DNMT3A: variants seen among roughly 807,000 people sequenced by gnomAD.
The protein encoded by DNMT3A is DNA methyltransferase 3 alpha, also known as DNA (cytosine-5)-methyltransferase 3A.
DNMT3A carries 267 observed loss-of-function variants against 117.6 expected under a neutral mutation model. That is an observed-to-expected ratio of 2.27 (90% CI 2.05 to 2.51). The LOEUF (loss-of-function observed/expected upper bound fraction) is 2.51. DNMT3A is among the 30% of genes most tolerant of loss of function. DNMT3A has a pLI of 0.00. For missense variants in DNMT3A, 1,029 were observed against 1,260.2 expected (o/e 0.82, Z 2.78); for synonymous variants, 432 against 474.8 (o/e 0.91, Z 1.17).
At chr2:25,291,138 G>A (rs917542438) in intron 3 of DNMT3A, among the ~76,000 whole-genome samples, 1 of 152,176 alleles carries the variant, frequency 6.6e-6, no homozygotes, top group African/African-American at 2.4e-5. Context: ...ACGCCAGTGA[G>A]CCCCTCCACT....
rs146643278 is a variant in DNMT3A at position 25,289,813 on chromosome 2, C to T, written c.178-7102G>A. On this transcript the variant is annotated intron_variant, in intron 3 of 22. Coordinates refer to ENST00000321117, the MANE Select transcript of DNMT3A (RefSeq NM_022552.5). ...AGCCCTCTGCTGTGGCCTGCCCAGC[C>T]GGAACCAATTCCCCAGCCCTGCCGC... 1.9e-3 allele frequency among the ~76,000 whole-genome samples: 283 copies of T among 152,306 alleles called. 1 individual carries two copies. The highest frequency in any genetic ancestry group is 2.5e-3 in the Non-Finnish European group (170 of 68,026).
rs775717180 is a variant in DNMT3A, at chr2:25,275,104, G to A, written c.493-17C>T. 1.9e-5 allele frequency: 30 copies of A among 1,561,002 alleles called. No individual in the cohort carries two copies. Among genetic ancestry groups the A allele is most frequent in the Middle Eastern group, 1.7e-4 (1 of 5,984 alleles). On this transcript the variant is annotated splice_polypyrimidine_tract_variant and intron_variant, in intron 5 of 22. Coordinates refer to ENST00000321117, the MANE Select transcript of DNMT3A (RefSeq NM_022552.5). ...CCGGGAGCCCTAGGACAGAGAGACA[G>A]ACATTAGGGCATTAGGGTGGGCACT... is the stretch of plus-strand genomic sequence containing the variant.
Position 25,236,956 on chromosome 2 carries a change from C to A in DNMT3A, c.2458G>T (p.Glu820Ter), listed in dbSNP as rs1264543822. 1 of 1,613,550 alleles carries A rather than the reference C, an allele frequency of 6.2e-7. No homozygotes were observed. The highest frequency in any genetic ancestry group is 8.5e-7 in the Non-Finnish European group (1 of 1,179,842). ...NDKLELQECL[E>*]HGRIAKFSKV... is the part of the protein sequence containing the mutation. ...CTGACCTTGGCTATCCTGCCATGCT[C>A]CAGACACTCCTGCAGCTCCAGCTTA... Residue 820 changes from glutamate to a stop codon, truncating the protein, a stop_gained, in exon 21 of 23, where the codon GAG becomes TAG. Transcript: ENST00000321117. LOFTEE classifies it high-confidence loss of function. The surrounding 1 kb of genome is among the most constrained non-coding windows in gnomAD (Gnocchi z 4.5).
Position 25,281,794 on chromosome 2 carries a change from G to A in DNMT3A, c.448+647C>T. ...CAACTTTCCAGGCTTCCAGGGTTAGGCCAAAAAGTCCCCAGATGAAGAGGC... is the reference window on the plus strand; with the variant it reads ...CAACTTTCCAGGCTTCCAGGGTTAGACCAAAAAGTCCCCAGATGAAGAGGC... On this transcript the variant is annotated intron_variant, in intron 4 of 22. Transcript: ENST00000321117. The surrounding 1 kb of genome is among the most constrained non-coding windows in gnomAD (Gnocchi z 4.8). 9.4e-7 allele frequency: 1 copy of A among 1,065,900 alleles called. No individual in the cohort carries two copies. Among genetic ancestry groups the A allele is most frequent in the Non-Finnish European group, 1.1e-6 (1 of 879,622 alleles). The allele number at this position is 1,065,900 out of a possible 1,614,324, so 66.0% of individuals were successfully genotyped here. A position where few individuals can be genotyped will look rare whatever the true frequency, so the allele number is the denominator to read the frequency against.
At chr2:25,323,683 A>G (rs1223208817) in intron 1 of DNMT3A, among the ~76,000 whole-genome samples, 3 of 152,228 alleles carry the variant, frequency 2.0e-5, no homozygotes, top group Non-Finnish European at 4.4e-5. Context: ...ACCAGCCCGC[A>G]GATTTCTCTC....
chr2:25,336,727 C>A (rs538233882), intron 1 of DNMT3A, among the ~76,000 whole-genome samples: 8 of 152,042 alleles, frequency 5.3e-5, no homozygotes, highest in African/African-American at 1.9e-4. Flanking sequence ...GTGCAGGGAT[C>A]TCCTCCCCAA....
At chr2:25,273,332 G>A (rs1025756364) in intron 6 of DNMT3A, among the ~76,000 whole-genome samples, 1 of 152,016 alleles carries the variant, frequency 6.6e-6, no homozygotes, top group East Asian at 1.9e-4. Flanking sequence ...GGCTGGTCTC[G>A]AACTCCTGAC....
chr2:25,264,099 G>T (rs1310258398), intron 6 of DNMT3A, among the ~76,000 whole-genome samples: 1 of 141,146 alleles, frequency 7.1e-6, no homozygotes, highest in Non-Finnish European at 1.5e-5. Flanking sequence ...TGAGCACACA[G>T]TATCTGCTCA....
intron 15 of DNMT3A, 59 bp downstream of exon 15, chr2:25,244,096 C>A (rs990131483): frequency 6.2e-7 from 1 of 1,610,086 alleles, no homozygotes; most frequent in Admixed American, 1.7e-5. Context: ...ACAGCTCAGG[C>A]CCCACAACCA....
chr2:25,279,414 T>C (rs530259412), intron 4 of DNMT3A, among the ~76,000 whole-genome samples: 1 of 152,288 alleles, frequency 6.6e-6, no homozygotes, highest in Non-Finnish European at 1.5e-5. Context: ...CTTAGTCTCC[T>C]TCCTCATCTG....
chr2:25,315,135 C>A (rs2034319276), intron 1 of DNMT3A, among the ~76,000 whole-genome samples: 1 of 152,172 alleles, frequency 6.6e-6, no homozygotes, highest in Non-Finnish European at 1.5e-5. Context: ...CCACCCACAC[C>A]CTTCCCCTTC....
Position 25,237,114 on chromosome 2 carries a change from A to G in DNMT3A, c.2409-109T>C. On this transcript the variant is annotated intron_variant, in intron 20 of 22. Coordinates refer to ENST00000321117, the MANE Select transcript of DNMT3A (RefSeq NM_022552.5). The surrounding 1 kb of genome is among the most constrained non-coding windows in gnomAD (Gnocchi z 5.4). ...CCAGCAGCCACTAGTTCACAGGGTAAGAGCCCCTTCCCCAAATCACGCACA... is the reference window on the plus strand; with the variant it reads ...CCAGCAGCCACTAGTTCACAGGGTAGGAGCCCCTTCCCCAAATCACGCACA... The G allele has an allele frequency of 9.2e-7, 1 of 1,087,180 alleles. No individual in the cohort carries two copies. The highest frequency in any genetic ancestry group is 1.3e-6 in the Non-Finnish European group (1 of 744,376). The allele number at this position is 1,087,180 out of a possible 1,614,324, so 67.3% of individuals were successfully genotyped here.
intron 1 of DNMT3A, among the ~76,000 whole-genome samples, chr2:25,325,441 C>T (rs1036638123): frequency 1.5e-4 from 23 of 152,170 alleles, no homozygotes; most frequent in African/African-American, 4.1e-4. Context: ...GGCCCACGGT[C>T]ATCTGCATGT....
At chr2:25,250,346 C>A (rs1403672462) in intron 6 of DNMT3A, among the ~76,000 whole-genome samples, 2 of 152,186 alleles carry the variant, frequency 1.3e-5, no homozygotes, top group Admixed American at 1.3e-4. Flanking sequence ...GATGTTAAGT[C>A]CTAGTTCTTC....
At chr2:25,278,001 TCACACACACACACACACACA>T (rs71397475) in intron 4 of DNMT3A, among the ~76,000 whole-genome samples, 3 of 90,500 alleles carry the variant, frequency 3.3e-5, no homozygotes, top group African/African-American at 7.5e-5. Context: ...ACTTGAGTGA[TCACACACACACACACACACA>T]CACACACACA....
chr2:25,286,293 G>A lies in DNMT3A; in HGVS notation c.178-3582C>T, dbSNP rs532491003. Among the ~76,000 whole-genome samples the A allele has an allele frequency of 5.3e-5, 8 of 152,294 alleles. No homozygotes were observed. The highest frequency in any genetic ancestry group is 1.4e-4 in the African/African-American group (6 of 41,564). On this transcript the variant is annotated intron_variant, in intron 3 of 22. Coordinates refer to ENST00000321117, the MANE Select transcript of DNMT3A (RefSeq NM_022552.5). This position sits in a 1 kb window ranked among gnomAD's most constrained non-coding sequence, Gnocchi z 4.3. ...AGTAAGCCCTGCCCTGGCCTTGCCC[G>A]CGGACCCCAGTCTGCAACAGCACCA... is the stretch of plus-strand genomic sequence containing the variant.
Position 25,246,243 on chromosome 2 carries a change from G to A in DNMT3A, c.1346C>T (p.Ala449Val). ...MWVEPEAAAYAPPPPAKKPRK... is the reference protein window; with the variant it reads ...MWVEPEAAAYVPPPPAKKPRK... ...GGGCTTTTTGGCTGGTGGAGGTGGTGCGTAGGCAGCTGCCTCAGGTTCCAC... is the reference window on the plus strand; with the variant it reads ...GGGCTTTTTGGCTGGTGGAGGTGGTACGTAGGCAGCTGCCTCAGGTTCCAC... Residue 449 changes from alanine to valine, a missense_variant, in exon 11 of 23, where the codon GCA (alanine) becomes GTA (valine). Coordinates refer to ENST00000321117, the MANE Select transcript of DNMT3A (RefSeq NM_022552.5). The A allele has an allele frequency of 6.2e-7, 1 of 1,614,156 alleles. No homozygotes were observed.
At chr2:25,262,340 C>T (rs892557687) in intron 6 of DNMT3A, among the ~76,000 whole-genome samples, 1 of 152,126 alleles carries the variant, frequency 6.6e-6, no homozygotes, top group South Asian at 2.1e-4. Flanking sequence ...TTAGAGATAA[C>T]ACACACAAAC....
rs371891191 is a variant in DNMT3A at position 25,234,347 on chromosome 2, G to A, written c.2671C>T (p.Arg891Trp). Residue 891 changes from arginine to tryptophan, a missense_variant, in exon 23 of 23, where the codon CGG becomes TGG. Coordinates refer to ENST00000321117, the MANE Select transcript of DNMT3A (RefSeq NM_022552.5). The surrounding 1 kb of genome is among the most constrained non-coding windows in gnomAD (Gnocchi z 4.5). ...CGGATGACTGGCACGCTCCATGACC[G>A]GCCCAGCAGTCTCTGCCTCGCCAAG... ...SRLARQRLLG[R>W]SWSVPVIRHL... The A allele has an allele frequency of 6.2e-7, 1 of 1,614,088 alleles. No homozygotes were observed. Among genetic ancestry groups the A allele is most frequent in the Non-Finnish European group, 8.5e-7 (1 of 1,179,986 alleles).
Sources: gnomAD v4.1 joint callset for allele counts (sites outside exome capture counted in the v4.1 genomes callset) on GRCh38, gnomAD v4.1.1 for gene constraint, Gnocchi (gnomAD v3.1) non-coding constraint, MANE v1.5 for transcripts, NCBI Gene and HGNC (gene_info 2026-07-23, HGNC 2026-07-21) for gene names.